DLG2: variants seen among roughly 807,000 people sequenced by gnomAD.
DLG2 encodes the protein disks large homolog 2.
Under a neutral mutation model 132.5 loss-of-function variants are expected in DLG2, and 45 were observed. The observed-to-expected ratio is 0.34, with a 90% CI of 0.27 to 0.44. The LOEUF is 0.44. Ranked by LOEUF, DLG2 falls within the 20% of genes least tolerant of loss-of-function variation. DLG2 has a pLI of 1.00. For synonymous variants in DLG2, 424 were observed against 419.6 expected (o/e 1.01, Z -0.13); for missense variants, 1,045 against 1,196.9 (o/e 0.87, Z 1.87).
intron 7 of DLG2, among the ~76,000 whole-genome samples, chr11:84,490,649 C>CAAA (rs5793124): frequency 2.5e-4 from 17 of 68,910 alleles, no homozygotes; most frequent in Non-Finnish European, 4.3e-4. Flanking sequence ...CATATATGAG[C>CAAA]AAAAAAAAAA....
intron 4 of DLG2, among the ~76,000 whole-genome samples, chr11:85,163,742 T>A (rs952197665): frequency 2.6e-5 from 4 of 152,212 alleles, no homozygotes; most frequent in African/African-American, 9.7e-5. Flanking sequence ...GTGCCACCCA[T>A]TGAATAGGGT....
intron 6 of DLG2, among the ~76,000 whole-genome samples, chr11:84,977,119 T>C (rs1007811760): frequency 2.0e-5 from 3 of 152,124 alleles, no homozygotes; most frequent in Admixed American, 1.3e-4. Flanking sequence ...TTAGGAGAAG[T>C]TGATCCCAGT....
chr11:85,540,320 G>A (rs993208588), intron 3 of DLG2, among the ~76,000 whole-genome samples: 2 of 152,290 alleles, frequency 1.3e-5, no homozygotes, highest in Admixed American at 6.5e-5. Context: ...ACAGACACAC[G>A]AGCAGCTGGA....
intron 3 of DLG2, among the ~76,000 whole-genome samples, chr11:85,502,503 A>ACC (rs2093828351): frequency 1.3e-5 from 2 of 152,130 alleles, no homozygotes; most frequent in Non-Finnish European, 2.9e-5. Flanking sequence ...CTTTGCAGGG[A>ACC]CATGGATGAA....
intron 7 of DLG2, among the ~76,000 whole-genome samples, chr11:84,519,129 A>T (rs1591422457): frequency 6.6e-6 from 1 of 152,296 alleles, no homozygotes; most frequent in Middle Eastern, 3.4e-3. Flanking sequence ...CAAACCCAGC[A>T]ATTCTGAACC....
At chr11:84,043,803 T>C (rs1333382307) in intron 11 of DLG2, among the ~76,000 whole-genome samples, 2 of 151,800 alleles carry the variant, frequency 1.3e-5, no homozygotes. Context: ...AACATATTCA[T>C]AAGTTCTGTA....
chr11:84,854,595 G>C (rs1427496333), intron 6 of DLG2, among the ~76,000 whole-genome samples: 1 of 151,984 alleles, frequency 6.6e-6, no homozygotes, highest in Admixed American at 6.6e-5. Context: ...TCTTTGTTCA[G>C]AAGTTGTATT....
intron 8 of DLG2, among the ~76,000 whole-genome samples, chr11:84,245,512 C>T (rs1306231979): frequency 6.6e-6 from 1 of 152,000 alleles, no homozygotes; most frequent in Non-Finnish European, 1.5e-5. Context: ...CCTTACTTTC[C>T]TAGGAGGGTT....
intron 6 of DLG2, among the ~76,000 whole-genome samples, chr11:84,636,148 A>G (rs2099640127): frequency 1.3e-5 from 2 of 152,198 alleles, no homozygotes; most frequent in South Asian, 4.1e-4. Context: ...TTTTGCTTAC[A>G]GAATATGAGT....
At chr11:84,021,221 A>G (rs948431914) in intron 11 of DLG2, among the ~76,000 whole-genome samples, 70 of 152,244 alleles carry the variant, frequency 4.6e-4, no homozygotes, top group East Asian at 3.9e-4. Flanking sequence ...TGTTATTCTC[A>G]TCTTACAGAA....
At chr11:83,703,552 G>A (rs758265383) in intron 18 of DLG2, among the ~76,000 whole-genome samples, 21 of 152,156 alleles carry the variant, frequency 1.4e-4, no homozygotes, top group Non-Finnish European at 2.6e-4. Context: ...GGGAGGCTGA[G>A]ACAGGAAAAT....
intron 3 of DLG2, among the ~76,000 whole-genome samples, chr11:85,574,651 TTA>T (rs1491573358): frequency 2.6e-5 from 4 of 152,182 alleles, no homozygotes; most frequent in African/African-American, 9.6e-5. Context: ...TGGTAATGAG[TTA>T]CTGCAAGATC....
At chr11:83,756,773 A>T (rs2093665114) in intron 18 of DLG2, among the ~76,000 whole-genome samples, 2 of 148,172 alleles carry the variant, frequency 1.3e-5, no homozygotes, top group South Asian at 4.1e-4. Context: ...GTTACTGGGG[A>T]TTATTACATA....
At chr11:83,656,629 T>C (rs926998115) in intron 18 of DLG2, among the ~76,000 whole-genome samples, 3 of 152,220 alleles carry the variant, frequency 2.0e-5, no homozygotes, top group Non-Finnish European at 4.4e-5. Context: ...TTCAAGTATA[T>C]GACCAATTCA....
intron 10 of DLG2, among the ~76,000 whole-genome samples, chr11:84,085,501 C>T (rs1281798743): frequency 6.6e-6 from 1 of 152,110 alleles, no homozygotes; most frequent in Non-Finnish European, 1.5e-5. Context: ...ATTTCCTGGC[C>T]ATGATAATAG....
At chr11:85,381,058 G>A (rs146246172) in intron 3 of DLG2, among the ~76,000 whole-genome samples, 43 of 152,328 alleles carry the variant, frequency 2.8e-4, no homozygotes, top group African/African-American at 1.0e-3. Flanking sequence ...GAAAAGGAAT[G>A]TTGAATGCAA....
At chr11:84,795,551 G>C (rs1212743950) in intron 6 of DLG2, among the ~76,000 whole-genome samples, 1 of 152,096 alleles carries the variant, frequency 6.6e-6, no homozygotes, top group Non-Finnish European at 1.5e-5. Flanking sequence ...TCTTCACCTT[G>C]ATCATCCTCC....
intron 6 of DLG2, among the ~76,000 whole-genome samples, chr11:84,879,230 C>T (rs1600641372): frequency 6.6e-6 from 1 of 152,160 alleles, no homozygotes; most frequent in Non-Finnish European, 1.5e-5. Flanking sequence ...TTTAATGACT[C>T]CATAAAATAC....
intron 6 of DLG2, among the ~76,000 whole-genome samples, chr11:84,620,035 C>A (rs1034131054): frequency 6.6e-6 from 1 of 150,442 alleles, no homozygotes; most frequent in South Asian, 2.1e-4. Context: ...TCTAGTAGAC[C>A]CATTTTAATA....
Sources: allele counts gnomAD v4.1 joint callset (sites outside exome capture counted in the v4.1 genomes callset), GRCh38; gene constraint gnomAD v4.1.1; transcripts MANE v1.5; gene names NCBI Gene and HGNC (gene_info 2026-07-23, HGNC 2026-07-21).